The following ZNF503 variants were observed in gnomAD, a reference collection of about 807,000 sequenced individuals.
ZNF503 encodes zinc finger protein 503.
In ZNF503, 15 loss-of-function variants were observed where a neutral mutation model predicts 34.4. The observed-to-expected ratio is 0.44, with a 90% CI of 0.29 to 0.67. The LOEUF is 0.67. Among genes scored for constraint, ZNF503 ranks in the 30% least tolerant of loss-of-function variants. The probability of loss-of-function intolerance (pLI) is 0.13; values close to 1 mark genes in which losing one functional copy is unlikely to be tolerated. For synonymous variants in ZNF503, 580 were observed against 456.8 expected (o/e 1.27, Z -3.44); for missense variants, 1,007 against 926.8 (o/e 1.09, Z -1.12).
At chr10:75,394,076 C>A (rs1333280832), downstream of ZNF503, among the ~76,000 whole-genome samples, 1 of 152,210 alleles carries the variant, frequency 6.6e-6, no homozygotes, top group Non-Finnish European at 1.5e-5. Context: ...TTATAGCCAT[C>A]TCTCACTAGC....
At chr10:75,360,156 T>C in the ZNF503 span, among the ~76,000 whole-genome samples, 16 of 145,046 alleles carry the variant, frequency 1.1e-4, no homozygotes, top group South Asian at 3.0e-3. Flanking sequence ...AATCTCGCTC[T>C]GTCACCCAGG....
At chr10:75,293,219 C>T in the ZNF503 span, among the ~76,000 whole-genome samples, 1 of 152,146 alleles carries the variant, frequency 6.6e-6, no homozygotes, top group Non-Finnish European at 1.5e-5. Context: ...ACCCAGAGAA[C>T]AGCAAAGCAT....
the ZNF503 span, chr10:75,295,816 A>G: frequency 6.6e-6 from 1 of 152,202 alleles, no homozygotes; most frequent in African/African-American, 2.4e-5. This position sits in a 1 kb window ranked among gnomAD's most constrained non-coding sequence, Gnocchi z 4.0. Flanking sequence ...ACTAATGTAG[A>G]ACATTTTGTT....
chr10:75,394,890 C>G (rs1351845230), downstream of ZNF503, among the ~76,000 whole-genome samples: 1 of 152,212 alleles, frequency 6.6e-6, no homozygotes, highest in African/African-American at 2.4e-5. Flanking sequence ...CCTCCCTGAT[C>G]TGCATCTATG....
the ZNF503 span, among the ~76,000 whole-genome samples, chr10:75,360,347 C>G: frequency 6.6e-6 from 1 of 151,944 alleles, no homozygotes; most frequent in South Asian, 2.1e-4. Context: ...AGGATGGTCT[C>G]GATCTCTTGA....
Position 75,398,957 on chromosome 10 carries a change from G to A in ZNF503, c.1733C>T (p.Ser578Leu), listed in dbSNP as rs779960201. 15 of 1,602,648 alleles carry A rather than the reference G, an allele frequency of 9.4e-6. No homozygotes were observed. The African/African-American group carries it at 1.7e-4, about 19-fold the overall frequency. Reference protein sequence around the residue: ...AMACHMHIPTSGAPGSPGTLA... With the variant: ...AMACHMHIPTLGAPGSPGTLA... Reference sequence around the variant, plus strand: ...CGTCCCAGGGCTGCCCGGTGCGCCCGAGGTGGGGATGTGCATGTGGCAAGC... The same window carrying A: ...CGTCCCAGGGCTGCCCGGTGCGCCCAAGGTGGGGATGTGCATGTGGCAAGC... The change falls in exon 2 of 2, where the codon TCG (serine) becomes TTG (leucine). Residue 578 changes from serine to leucine, a missense_variant. Transcript: ENST00000372524.
At chr10:75,329,390 CTTCCTTCCTTCCTTCCTTCCTTCCT>C in the ZNF503 span, among the ~76,000 whole-genome samples, 1 of 71,956 alleles carries the variant, frequency 1.4e-5, no homozygotes, top group Non-Finnish European at 2.8e-5. Context: ...TTCTTCCTTC[CTTCCTTCCTTCCTTCCTTCCTTCCT>C]TTCCTTCCTT....
At chr10:75,305,294 C>A in the ZNF503 span, among the ~76,000 whole-genome samples, 1 of 151,950 alleles carries the variant, frequency 6.6e-6, no homozygotes, top group African/African-American at 2.4e-5. Flanking sequence ...AAATTCAAAT[C>A]CAAGTTGTAT....
At chr10:75,284,373 G>A in the ZNF503 span, among the ~76,000 whole-genome samples, 3 of 152,056 alleles carry the variant, frequency 2.0e-5, no homozygotes, top group Admixed American at 6.6e-5. Context: ...AGCAGCAGGC[G>A]GGGAGGGGGC....
At chr10:75,370,638 G>A in the ZNF503 span, among the ~76,000 whole-genome samples, 1 of 151,844 alleles carries the variant, frequency 6.6e-6, no homozygotes, top group Non-Finnish European at 1.5e-5. Context: ...AATTAGCTAG[G>A]CATGGTGGTG....
chr10:75,289,205 C>T, the ZNF503 span, among the ~76,000 whole-genome samples: 2 of 152,046 alleles, frequency 1.3e-5, no homozygotes, highest in South Asian at 2.1e-4. Context: ...GGTTTTGAAT[C>T]GTAATAAAAT....
At chr10:75,339,125 A>G in the ZNF503 span, among the ~76,000 whole-genome samples, 1 of 152,078 alleles carries the variant, frequency 6.6e-6, no homozygotes, top group Non-Finnish European at 1.5e-5. Flanking sequence ...CAGCTACTAG[A>G]GAGGCTGAGA....
At chr10:75,284,287 C>A in the ZNF503 span, among the ~76,000 whole-genome samples, 2 of 151,980 alleles carry the variant, frequency 1.3e-5, no homozygotes, top group South Asian at 4.2e-4. Flanking sequence ...CATCTTTATT[C>A]CACGGAGCCA....
chr10:75,309,398 G>A, the ZNF503 span, among the ~76,000 whole-genome samples: 4 of 152,152 alleles, frequency 2.6e-5, no homozygotes, highest in African/African-American at 7.2e-5. Context: ...AATTGATGCA[G>A]CAAACTTCAT....
the ZNF503 span, among the ~76,000 whole-genome samples, chr10:75,392,741 A>C: frequency 6.6e-6 from 1 of 152,334 alleles, no homozygotes; most frequent in East Asian, 1.9e-4. Flanking sequence ...AGGGAGCCAC[A>C]GGAAGTTCTT....
chr10:75,400,853 G>T, intron 1 of ZNF503: 2 of 622,042 alleles, frequency 3.2e-6, no homozygotes, highest in Non-Finnish European at 5.5e-6. Context: ...AGGGGCCTGG[G>T]TCGGGGTAGG....
chr10:75,342,817 C>A, the ZNF503 span, among the ~76,000 whole-genome samples: 1 of 152,048 alleles, frequency 6.6e-6, no homozygotes, highest in Non-Finnish European at 1.5e-5. Context: ...ACCATAAGCT[C>A]CAGAAGGGCA....
At chr10:75,351,859 T>G in the ZNF503 span, among the ~76,000 whole-genome samples, 4 of 152,310 alleles carry the variant, frequency 2.6e-5, no homozygotes, top group East Asian at 3.9e-4. Flanking sequence ...TTCAGTGAAT[T>G]GCTTTACCTC....
At chr10:75,352,208 T>C in the ZNF503 span, among the ~76,000 whole-genome samples, 1 of 152,320 alleles carries the variant, frequency 6.6e-6, no homozygotes. Flanking sequence ...GGGGCTGCTG[T>C]AGGGGCCAGG....
Sources: gnomAD v4.1 joint callset for allele counts (sites outside exome capture counted in the v4.1 genomes callset) on GRCh38, gnomAD v4.1.1 for gene constraint, Gnocchi (gnomAD v3.1) non-coding constraint, MANE v1.5 for transcripts, NCBI Gene and HGNC (gene_info 2026-07-23, HGNC 2026-07-21) for gene names.